TASP1: variants seen among roughly 807,000 people sequenced by gnomAD.
TASP1 encodes taspase 1.
Under a neutral mutation model 56.6 loss-of-function variants are expected in TASP1, and 16 were observed. The observed-to-expected ratio is 0.28, with a 90% CI of 0.19 to 0.43. The LOEUF (loss-of-function observed/expected upper bound fraction) is 0.43. Ranked by LOEUF, TASP1 falls within the 20% of genes least tolerant of loss-of-function variation. The pLI is 1.00. For missense variants in TASP1, 393 were observed against 511.6 expected (o/e 0.77, Z 2.24); for synonymous variants, 179 against 184.2 (o/e 0.97, Z 0.23).
At chr20:13,421,099 G>A (rs1484896914) in intron 12 of TASP1, among the ~76,000 whole-genome samples, 3 of 141,336 alleles carry the variant, frequency 2.1e-5, no homozygotes, top group Non-Finnish European at 3.0e-5. Flanking sequence ...TATTTATAGC[G>A]TTTTCCTTCT....
At chr20:13,346,460 A>G in the TASP1 span, among the ~76,000 whole-genome samples, 1 of 152,182 alleles carries the variant, frequency 6.6e-6, no homozygotes, top group Non-Finnish European at 1.5e-5. Context: ...CTGCACCATA[A>G]TCTTCCCCAG....
At chr20:13,548,559 G>A (rs2045882856) in intron 8 of TASP1, among the ~76,000 whole-genome samples, 1 of 152,170 alleles carries the variant, frequency 6.6e-6, no homozygotes, top group African/African-American at 2.4e-5. Context: ...CAAGGAGCCT[G>A]ACTTGAGAGA....
At chr20:13,157,867 C>G in the TASP1 span, among the ~76,000 whole-genome samples, 1 of 152,170 alleles carries the variant, frequency 6.6e-6, no homozygotes, top group East Asian at 1.9e-4. Flanking sequence ...ACTGTGGAAG[C>G]ACTTCTTCCA....
chr20:13,381,348 CA>C, the TASP1 span, among the ~76,000 whole-genome samples: 2 of 152,182 alleles, frequency 1.3e-5, no homozygotes, highest in Admixed American at 1.3e-4. Flanking sequence ...CAACCCTTTG[CA>C]CTTCCCAGGT....
intron 12 of TASP1, among the ~76,000 whole-genome samples, chr20:13,425,229 T>C (rs2042579229): frequency 6.6e-6 from 1 of 152,206 alleles, no homozygotes. Context: ...CCTAGTGGCA[T>C]TTAAATCACC....
chr20:13,413,162 G>A (rs971620293), intron 13 of TASP1, among the ~76,000 whole-genome samples: 2 of 152,120 alleles, frequency 1.3e-5, no homozygotes, highest in African/African-American at 4.8e-5. Flanking sequence ...ACGACCTCAT[G>A]AGGTTTCGAA....
chr20:13,217,346 A>G, the TASP1 span, among the ~76,000 whole-genome samples: 2 of 152,162 alleles, frequency 1.3e-5, no homozygotes, highest in African/African-American at 4.8e-5. Flanking sequence ...TATATTAAAA[A>G]CTTTCCATAG....
chr20:13,318,496 G>T, the TASP1 span, among the ~76,000 whole-genome samples: 1 of 152,178 alleles, frequency 6.6e-6, no homozygotes, highest in Non-Finnish European at 1.5e-5. Context: ...CAAAAAACTT[G>T]AAAAATTGTG....
chr20:13,539,418 C>G (rs2045537345), intron 8 of TASP1, among the ~76,000 whole-genome samples: 1 of 152,096 alleles, frequency 6.6e-6, no homozygotes, highest in Non-Finnish European at 1.5e-5. Flanking sequence ...GGCATGGTGG[C>G]ACACACCTGT....
chr20:13,546,366 T>C (rs1047343115), intron 8 of TASP1, among the ~76,000 whole-genome samples: 1 of 151,902 alleles, frequency 6.6e-6, no homozygotes, highest in Non-Finnish European at 1.5e-5. Context: ...GGGCTAATAA[T>C]CCAAAAAGGA....
At chr20:13,326,115 A>G in the TASP1 span, among the ~76,000 whole-genome samples, 1 of 152,152 alleles carries the variant, frequency 6.6e-6, no homozygotes, top group Non-Finnish European at 1.5e-5. Context: ...GGCCTTTGAG[A>G]TTCATCCAAG....
At chr20:13,361,302 G>A in the TASP1 span, among the ~76,000 whole-genome samples, 4 of 152,294 alleles carry the variant, frequency 2.6e-5, no homozygotes, top group East Asian at 7.7e-4. Flanking sequence ...CTTCCGTTCT[G>A]TTAGACATAA....
chr20:13,135,229 A>G, the TASP1 span, among the ~76,000 whole-genome samples: 1 of 152,232 alleles, frequency 6.6e-6, no homozygotes, highest in Non-Finnish European at 1.5e-5. Context: ...ATTTGATGAA[A>G]GGAAATCCAC....
chr20:13,595,302 G>A (rs1201385797), intron 4 of TASP1, among the ~76,000 whole-genome samples: 1 of 152,186 alleles, frequency 6.6e-6, no homozygotes, highest in Non-Finnish European at 1.5e-5. Context: ...TCAATGCTAT[G>A]AAGAAACTGT....
intron 12 of TASP1, among the ~76,000 whole-genome samples, chr20:13,430,453 C>A (rs2042767514): frequency 1.3e-5 from 2 of 152,178 alleles, no homozygotes. Flanking sequence ...AGCCCCGGTT[C>A]CTCAGAAGCA....
chr20:13,610,944 T>C (rs2048329527), intron 4 of TASP1, among the ~76,000 whole-genome samples: 1 of 152,080 alleles, frequency 6.6e-6, no homozygotes, highest in Non-Finnish European at 1.5e-5. Flanking sequence ...CAGAGGATAT[T>C]GGGAGTAAAA....
chr20:13,300,114 A>C, the TASP1 span: 1 of 152,194 alleles, frequency 6.6e-6, no homozygotes, highest in Non-Finnish European at 1.5e-5. Flanking sequence ...TGGGTAGGGA[A>C]TATGATATTT....
In TASP1 at chr20:13,593,919, G is replaced by A. The variant is rs555357858; in HGVS notation, c.283-6549C>T. 1.4e-4 allele frequency among the ~76,000 whole-genome samples: 21 copies of A among 152,320 alleles called. No individual in the cohort carries two copies. In the South Asian group the frequency reaches 3.3e-3, roughly 24 times the overall value. ...CTCCTCAAGTGGGTCTCTGAGCCCC[G>A]TGTAGCCTAACTGGAAGACACCTCC... On this transcript the variant is annotated intron_variant, in intron 4 of 13. Coordinates refer to ENST00000337743, the MANE Select transcript of TASP1 (RefSeq NM_017714.3).
intron 11 of TASP1, among the ~76,000 whole-genome samples, chr20:13,460,820 T>C (rs6042129): frequency 0.011 from 1,690 of 152,262 alleles, 41 homozygotes; most frequent in African/African-American, 0.038. Context: ...CTACTATCTC[T>C]TAACTGAATT....
Sources: gnomAD v4.1 joint callset for allele counts (sites outside exome capture counted in the v4.1 genomes callset) on GRCh38, gnomAD v4.1.1 for gene constraint, MANE v1.5 for transcripts, NCBI Gene and HGNC (gene_info 2026-07-23, HGNC 2026-07-21) for gene names.